CGNL1: variants seen among roughly 807,000 people sequenced by gnomAD.
The protein encoded by CGNL1 is cingulin-like protein 1.
In CGNL1, 132 loss-of-function variants were observed where a neutral mutation model predicts 141.2. The ratio of observed to expected loss-of-function variants is 0.93; its 90% CI spans 0.81 to 1.08. CGNL1 has a LOEUF of 1.08. CGNL1 is among the 50% of genes least tolerant of loss of function. The pLI is 0.00. For missense variants in CGNL1, 1,870 were observed against 1,588.6 expected (o/e 1.18, Z -3.01); for synonymous variants, 690 against 622.1 (o/e 1.11, Z -1.63).
intron 1 of CGNL1, among the ~76,000 whole-genome samples, chr15:57,435,358 G>A (rs766412525): frequency 1.2e-4 from 18 of 148,902 alleles, no homozygotes; most frequent in Non-Finnish European, 2.4e-4. Context: ...CAGGAATATT[G>A]TTTAGCAAAA....
In CGNL1 at chr15:57,547,418, T is replaced by TG; in HGVS notation, c.3842dup (p.Ser1282LysfsTer4). 1 of 1,614,192 alleles carries TG rather than the reference T, an allele frequency of 6.2e-7. No individual in the cohort carries two copies. ...ATGACGACGATGACCTCAGCACGGA[T>TG]GGGGGAAGCCTCTATGAGGCGCCTG... On this transcript the variant is annotated frameshift_variant, in exon 19 of 19. Coordinates refer to ENST00000281282, the MANE Select transcript of CGNL1 (RefSeq NM_032866.5). LOFTEE classifies it high-confidence loss of function.
At position 57,388,157 on chromosome 15, in the gene CGNL1, C is replaced by T. The variant is rs150075951; in HGVS notation, c.-16+11590C>T. Among the ~76,000 whole-genome samples, 135 of 152,306 alleles carry T rather than the reference C, an allele frequency of 8.9e-4. 2 individuals carry two copies. Among genetic ancestry groups the T allele is most frequent in the African/African-American group, 3.1e-3 (127 of 41,572 alleles). On this transcript the variant is annotated intron_variant, in intron 1 of 18. Transcript: ENST00000281282. The stretch of plus-strand genomic sequence containing the variant: ...AAGCATTTAGGAGAGCAGTGCCAGG[C>T]TCCTGAGATTCTGGGGCCTTAGGGT...
At chr15:57,507,356 C>T (rs762560366) in intron 8 of CGNL1, among the ~76,000 whole-genome samples, 26 of 152,034 alleles carry the variant, frequency 1.7e-4, no homozygotes, top group Non-Finnish European at 3.2e-4. Context: ...ATTTTATTGT[C>T]GTAACTTTTG....
intron 8 of CGNL1, among the ~76,000 whole-genome samples, chr15:57,510,879 G>A (rs1375700533): frequency 6.6e-6 from 1 of 152,094 alleles, no homozygotes; most frequent in Admixed American, 6.5e-5. Context: ...GGGAGAGTTG[G>A]CGCTATGCTC....
intron 16 of CGNL1, among the ~76,000 whole-genome samples, chr15:57,545,174 A>G (rs2032788475): frequency 6.6e-6 from 1 of 152,186 alleles, no homozygotes. Flanking sequence ...TCTGACTCAC[A>G]GCCCCTCACC....
At chr15:57,500,655 G>GA (rs1313639402) in intron 8 of CGNL1, among the ~76,000 whole-genome samples, 7 of 16,292 alleles carry the variant, frequency 4.3e-4, no homozygotes, top group African/African-American at 4.2e-4. Context: ...GAAGACTTTG[G>GA]GAAAAAAAAG....
intron 7 of CGNL1, among the ~76,000 whole-genome samples, chr15:57,454,374 T>G (rs1308174784): frequency 6.6e-6 from 1 of 152,186 alleles, no homozygotes; most frequent in Non-Finnish European, 1.5e-5. Context: ...TCCTCCCTCT[T>G]TGGGCTTAGG....
At chr15:57,533,860 A>G (rs1213549546) in intron 14 of CGNL1, among the ~76,000 whole-genome samples, 1 of 152,222 alleles carries the variant, frequency 6.6e-6, no homozygotes, top group African/African-American at 2.4e-5. Flanking sequence ...GGGGAAGTTA[A>G]GGGAACCAAG....
intron 12 of CGNL1, among the ~76,000 whole-genome samples, chr15:57,525,064 T>C (rs2031528888): frequency 6.6e-6 from 1 of 152,212 alleles, no homozygotes; most frequent in Non-Finnish European, 1.5e-5. Flanking sequence ...GTCCAGATGA[T>C]TTATTTATAT....
intron 8 of CGNL1, among the ~76,000 whole-genome samples, chr15:57,475,332 A>G (rs2063638123): frequency 8.0e-6 from 1 of 124,860 alleles, no homozygotes; most frequent in African/African-American, 3.0e-5. Context: ...TGTCACCTCC[A>G]CAGAAGAGTG....
At position 57,442,182 on chromosome 15, in the gene CGNL1, G is replaced by GGAAAAAAAAA. The variant is rs1491455852; in HGVS notation, c.1698-191_1698-190insGAAAAAAAAA. Among the ~76,000 whole-genome samples, 30 of 96,508 alleles carry GGAAAAAAAAA rather than the reference G, an allele frequency of 3.1e-4. No homozygotes were observed. The East Asian group carries it at 3.6e-3, about 11-fold the overall frequency. The allele number at this position is 96,508 out of a possible 152,430, so 63.3% of individuals were successfully genotyped here. A position where few individuals can be genotyped will look rare whatever the true frequency, so the allele number is the denominator to read the frequency against. ...TTGAGTGGTAACACATCATTTATTTGAAAAAAAAAAAAAAAAAAAAAGACA... is the reference window on the plus strand; with the variant it reads ...TTGAGTGGTAACACATCATTTATTTGGAAAAAAAAAAAAAAAAAAAAAAAAAAAAAAGACA... On this transcript the variant is annotated intron_variant, in intron 3 of 18. Coordinates refer to ENST00000281282, the MANE Select transcript of CGNL1 (RefSeq NM_032866.5).
intron 1 of CGNL1, among the ~76,000 whole-genome samples, chr15:57,428,912 A>G (rs2063011188): frequency 6.6e-6 from 1 of 151,832 alleles, no homozygotes; most frequent in African/African-American, 2.4e-5. Context: ...AATCCCAGCT[A>G]CTCCGGAGGC....
intron 1 of CGNL1, chr15:57,398,383 G>A (rs1301415314): frequency 6.6e-6 from 1 of 152,034 alleles, no homozygotes; most frequent in East Asian, 1.9e-4. Context: ...AATGAAATAG[G>A]AAAACGATTA....
intron 14 of CGNL1, among the ~76,000 whole-genome samples, chr15:57,538,695 C>T (rs1288958445): frequency 1.3e-5 from 2 of 152,152 alleles, no homozygotes; most frequent in African/African-American, 4.8e-5. Context: ...TCCTGAACCC[C>T]CAGGCTGGGC....
chr15:57,434,956 A>G (rs530813870), intron 1 of CGNL1, among the ~76,000 whole-genome samples: 106 of 152,272 alleles, frequency 7.0e-4, no homozygotes, highest in Middle Eastern at 3.4e-3. Context: ...ATATAACACA[A>G]AAGGAAGAGA....
chr15:57,394,323 C>G lies in CGNL1; in HGVS notation c.-16+17756C>G, dbSNP rs374918542. The stretch of plus-strand genomic sequence containing the variant: ...TATTTTTAGTAGAGATGGGGTTTCT[C>G]CATGTTGGTCAGGCTGCTCTCGAAC... On this transcript the variant is annotated intron_variant, in intron 1 of 18. Transcript: ENST00000281282. Among the ~76,000 whole-genome samples the G allele has an allele frequency of 9.5e-4, 144 of 151,988 alleles. 4 individuals carry two copies. In the South Asian group the frequency reaches 0.028, roughly 30 times the overall value.
chr15:57,388,112 G>A (rs899674366), intron 1 of CGNL1, among the ~76,000 whole-genome samples: 1 of 152,226 alleles, frequency 6.6e-6, no homozygotes, highest in South Asian at 2.1e-4. Flanking sequence ...GTGTCGGGGG[G>A]CTTCAGTGGG....
chr15:57,388,868 G>A (rs2062512088), intron 1 of CGNL1, among the ~76,000 whole-genome samples: 1 of 152,212 alleles, frequency 6.6e-6, no homozygotes, highest in South Asian at 2.1e-4. Context: ...AGATGTGGGA[G>A]TCTCCCATGA....
intron 8 of CGNL1, among the ~76,000 whole-genome samples, chr15:57,480,203 A>G (rs567839535): frequency 6.6e-6 from 1 of 152,256 alleles, no homozygotes; most frequent in Admixed American, 6.5e-5. Flanking sequence ...GGGTCTCTCT[A>G]TCCACAGCAT....
Sources: gnomAD v4.1 joint callset for allele counts (sites outside exome capture counted in the v4.1 genomes callset) on GRCh38, gnomAD v4.1.1 for gene constraint, MANE v1.5 for transcripts, NCBI Gene and HGNC (gene_info 2026-07-23, HGNC 2026-07-21) for gene names.